CDH12: variants seen among roughly 807,000 people sequenced by gnomAD.
CDH12 encodes the protein cadherin-12.
Under a neutral mutation model 74.1 loss-of-function variants are expected in CDH12, and 41 were observed. The observed-to-expected ratio is 0.55, with a 90% confidence interval of 0.43 to 0.72. The LOEUF (loss-of-function observed/expected upper bound fraction) is 0.72. Ranked by LOEUF, CDH12 falls within the 30% of genes least tolerant of loss-of-function variation. CDH12 has a pLI of 0.00. For synonymous variants in CDH12, 399 were observed against 355.0 expected, an observed-to-expected ratio of 1.12 and a Z score of -1.39; for missense variants, 945 against 977.2, an observed-to-expected ratio of 0.97 and a Z score of 0.44.
intron 1 of CDH12, among the ~76,000 whole-genome samples, chr5:22,648,668 C>A (rs1347403221): frequency 6.6e-6 from 1 of 151,782 alleles, no homozygotes; most frequent in South Asian, 2.1e-4. Context: ...TTGGATCAAA[C>A]ATATGTTCAT....
At chr5:22,252,968 G>A (rs1463135107) in intron 3 of CDH12, among the ~76,000 whole-genome samples, 2 of 152,016 alleles carry the variant, frequency 1.3e-5, no homozygotes, top group African/African-American at 2.4e-5. Flanking sequence ...ACTTCCCACA[G>A]TAGAATAAAA....
chr5:22,432,029 G>A (rs187387160), intron 2 of CDH12, among the ~76,000 whole-genome samples: 212 of 152,238 alleles, frequency 1.4e-3, no homozygotes, highest in African/African-American at 4.7e-3. Flanking sequence ...CACCCTAGGC[G>A]TTCAAACTCA....
chr5:22,197,915 A>T (rs1287635173), intron 4 of CDH12, among the ~76,000 whole-genome samples: 2 of 152,156 alleles, frequency 1.3e-5, no homozygotes, highest in Non-Finnish European at 2.9e-5. Context: ...TGAGTGTGAA[A>T]TCAATTTGAA....
At chr5:22,231,595 T>C (rs1433903101) in intron 3 of CDH12, among the ~76,000 whole-genome samples, 1 of 152,000 alleles carries the variant, frequency 6.6e-6, no homozygotes, top group African/African-American at 2.4e-5. Context: ...AACTCTTCTA[T>C]TGAAAACTAT....
intron 3 of CDH12, among the ~76,000 whole-genome samples, chr5:22,397,321 C>T (rs983838291): frequency 6.6e-6 from 1 of 152,110 alleles, no homozygotes; most frequent in Admixed American, 6.6e-5. Flanking sequence ...ATGTCTGTCC[C>T]ATGAACACAC....
intron 3 of CDH12, among the ~76,000 whole-genome samples, chr5:22,304,468 C>G (rs1738022307): frequency 6.6e-6 from 1 of 152,094 alleles, no homozygotes; most frequent in Non-Finnish European, 1.5e-5. Context: ...TTTCTTGGCA[C>G]AAATCCAATC....
intron 11 of CDH12, among the ~76,000 whole-genome samples, chr5:21,767,469 T>A (rs1056591954): frequency 7.9e-5 from 12 of 151,704 alleles, no homozygotes; most frequent in African/African-American, 2.9e-4. Context: ...AATATTGTAA[T>A]TTTTTTATTA....
At chr5:22,547,561 G>A (rs1294112096) in intron 1 of CDH12, among the ~76,000 whole-genome samples, 1 of 151,968 alleles carries the variant, frequency 6.6e-6, no homozygotes, top group Non-Finnish European at 1.5e-5. Context: ...TCTATTTCTG[G>A]TGCATTCCAA....
chr5:22,279,253 A>C (rs190296997), intron 3 of CDH12, among the ~76,000 whole-genome samples: 26 of 152,316 alleles, frequency 1.7e-4, no homozygotes, highest in African/African-American at 6.3e-4. Flanking sequence ...GCTATTATGA[A>C]TAGCTTCATA....
intron 1 of CDH12, among the ~76,000 whole-genome samples, chr5:22,526,394 G>C (rs751563462): frequency 6.6e-6 from 1 of 152,108 alleles, no homozygotes; most frequent in South Asian, 2.1e-4. Flanking sequence ...ACATAGACCC[G>C]GAGAATGGAC....
At chr5:22,840,822 A>G (rs76932370) in intron 1 of CDH12, among the ~76,000 whole-genome samples, 8,185 of 152,196 alleles carry the variant, frequency 0.054, 334 homozygotes, top group South Asian at 0.18. Flanking sequence ...GAGAAGGGGG[A>G]TTCAAACAGA....
chr5:21,883,180 G>A, intron 6 of CDH12: 1 of 1,475,438 alleles, frequency 6.8e-7, no homozygotes, highest in Non-Finnish European at 9.5e-7. Flanking sequence ...GGAAGAAAGG[G>A]TGTCATCACA....
chr5:22,502,181 G>T (rs918585524), intron 2 of CDH12, among the ~76,000 whole-genome samples: 1 of 152,136 alleles, frequency 6.6e-6, no homozygotes, highest in Non-Finnish European at 1.5e-5. Flanking sequence ...GTTGTAGGAG[G>T]CACCCAGTGG....
intron 3 of CDH12, among the ~76,000 whole-genome samples, chr5:22,254,475 T>A (rs571903403): frequency 1.6e-4 from 24 of 151,880 alleles, no homozygotes; most frequent in African/African-American, 5.8e-4. Flanking sequence ...GATTTGAGTT[T>A]TAGATCTTCT....
intron 1 of CDH12, among the ~76,000 whole-genome samples, chr5:22,609,598 C>G (rs1737292626): frequency 6.6e-6 from 1 of 152,144 alleles, no homozygotes; most frequent in South Asian, 2.1e-4. Flanking sequence ...GAGAAATGCT[C>G]ATTCTAAGCA....
intron 4 of CDH12, among the ~76,000 whole-genome samples, chr5:22,198,879 T>G (rs1017878058): frequency 1.8e-4 from 27 of 150,300 alleles, no homozygotes; most frequent in Non-Finnish European, 7.4e-5. Context: ...CATTTTTTAT[T>G]TTTATTTATT....
rs1193858006 is a variant in CDH12, at chr5:21,953,142, C to A, written c.526+21949G>T. ...TACCATCTATTCTCTCTGAGGGCCA[C>A]CTATGAGGCTTCATCTACTTAATAA... On this transcript the variant is annotated intron_variant, in intron 6 of 14. Coordinates refer to ENST00000382254, the MANE Select transcript of CDH12 (RefSeq NM_004061.5). Among the ~76,000 whole-genome samples the A allele has an allele frequency of 3.3e-5, 5 of 151,900 alleles. No individual in the cohort carries two copies. The East Asian group carries it at 5.9e-4, about 18-fold the overall frequency.
intron 1 of CDH12, among the ~76,000 whole-genome samples, chr5:22,729,143 T>TC (rs1744306749): frequency 6.6e-6 from 1 of 151,824 alleles, no homozygotes; most frequent in Non-Finnish European, 1.5e-5. Flanking sequence ...TTTAACAGTT[T>TC]CTGTGGGTCA....
At chr5:22,561,175 G>C (rs941517567) in intron 1 of CDH12, among the ~76,000 whole-genome samples, 1 of 152,060 alleles carries the variant, frequency 6.6e-6, no homozygotes, top group Non-Finnish European at 1.5e-5. Flanking sequence ...GTTTCAAAGT[G>C]ACTTCAGTAA....
Sources: allele counts gnomAD v4.1 joint callset (sites outside exome capture counted in the v4.1 genomes callset), GRCh38; gene constraint gnomAD v4.1.1; transcripts MANE v1.5; gene names NCBI Gene and HGNC (gene_info 2026-07-23, HGNC 2026-07-21).